The following GTPBP10 variants were observed in gnomAD, a reference collection of about 807,000 sequenced individuals.
GTPBP10 encodes GTP-binding protein 10.
In GTPBP10, 38 loss-of-function variants were observed where a neutral mutation model predicts 44.8. The observed-to-expected ratio is 0.85, with a 90% CI of 0.65 to 1.11. GTPBP10 has a LOEUF of 1.11. Ranked by LOEUF, GTPBP10 falls within the 50% of genes most tolerant of loss-of-function variation. The pLI is 0.00. For missense variants in GTPBP10, 462 were observed against 453.7 expected, an observed-to-expected ratio of 1.02 and a Z score of -0.17; for synonymous variants, 152 against 150.6, an observed-to-expected ratio of 1.01 and a Z score of -0.07.
At chr7:90,356,894 G>A (rs1035626560) in intron 4 of GTPBP10, among the ~76,000 whole-genome samples, 4 of 152,136 alleles carry the variant, frequency 2.6e-5, no homozygotes, top group Admixed American at 1.3e-4. Context: ...TCAGAAGTAG[G>A]TTTGAAATTT....
Position 90,386,819 on chromosome 7 carries a change from A to C in GTPBP10, c.*1665A>C, listed in dbSNP as rs188385472. The C allele has an allele frequency of 4.9e-4, 74 of 152,358 alleles. No individual in the cohort carries two copies. Among genetic ancestry groups the C allele is most frequent in the African/African-American group, 1.6e-3 (66 of 41,586 alleles). The allele number at this position is 152,358 out of a possible 1,614,324, so 9.4% of individuals were successfully genotyped here. A position where few individuals can be genotyped will look rare whatever the true frequency, so the allele number is the denominator to read the frequency against. ...TTAAATGAGTTTTATTATAAAATGT[A>C]CATATTGATTGTAAAAACAAAAAAT... On this transcript the variant is annotated 3_prime_UTR_variant, in exon 10 of 10. Coordinates refer to ENST00000222511, the MANE Select transcript of GTPBP10 (RefSeq NM_033107.4).
chr7:90,385,286 C>T lies in GTPBP10; in HGVS notation c.*132C>T, dbSNP rs1796505102. The T allele has an allele frequency of 9.7e-6, 6 of 620,438 alleles. No individual in the cohort carries two copies. Among genetic ancestry groups the T allele is most frequent in the Admixed American group, 3.3e-5 (1 of 30,232 alleles). 38.4% of individuals were successfully genotyped at this position (620,438 alleles called of 1,614,324 possible). ...TAGAAAGACAAATGCTGCATAATCT[C>T]ACTGTGGAATCTTAAGTTGAACTCA... On this transcript the variant is annotated 3_prime_UTR_variant, in exon 10 of 10. Transcript: ENST00000222511.
intron 4 of GTPBP10, among the ~76,000 whole-genome samples, chr7:90,366,141 T>C (rs11769176): frequency 0.25 from 37,354 of 152,104 alleles, 4,893 homozygotes; most frequent in African/African-American, 0.34. Flanking sequence ...ATAAGCTTTT[T>C]GATGTGCTGC....
intron 4 of GTPBP10, among the ~76,000 whole-genome samples, chr7:90,358,962 C>T (rs1473896011): frequency 6.6e-6 from 1 of 152,050 alleles, no homozygotes; most frequent in East Asian, 1.9e-4. Flanking sequence ...AGAAGATATG[C>T]ATACAAATGG....
intron 8 of GTPBP10, among the ~76,000 whole-genome samples, chr7:90,380,826 T>C (rs1224867720): frequency 6.6e-6 from 1 of 152,170 alleles, no homozygotes; most frequent in Non-Finnish European, 1.5e-5. Context: ...GCAACCACCA[T>C]TTTCTCTGCT....
intron 4 of GTPBP10, among the ~76,000 whole-genome samples, chr7:90,362,498 C>G (rs1464535579): frequency 2.6e-5 from 4 of 152,184 alleles, no homozygotes; most frequent in Non-Finnish European, 5.9e-5. Context: ...GTCTGAGAGA[C>G]AGTTCCTTGT....
chr7:90,363,145 A>T (rs13230525), intron 4 of GTPBP10, among the ~76,000 whole-genome samples: 1 of 152,104 alleles, frequency 6.6e-6, no homozygotes, highest in African/African-American at 2.4e-5. Flanking sequence ...TTTAAGGTTA[A>T]TATTGTTATG....
chr7:90,349,336 A>G (rs1795743644), intron 1 of GTPBP10, among the ~76,000 whole-genome samples: 2 of 152,110 alleles, frequency 1.3e-5, no homozygotes, highest in African/African-American at 4.8e-5. Context: ...CCCGTGATCT[A>G]GAGGCTGATT....
At chr7:90,362,841 G>A (rs1015848118) in intron 4 of GTPBP10, among the ~76,000 whole-genome samples, 2 of 152,144 alleles carry the variant, frequency 1.3e-5, no homozygotes, top group East Asian at 3.8e-4. Flanking sequence ...TATGTATTTA[G>A]GATAGTTAGC....
rs185770433 is a variant in GTPBP10 at position 90,346,740 on chromosome 7, C to T, written c.-2C>T. On this transcript the variant is annotated 5_prime_UTR_variant, in exon 1 of 10. Transcript: ENST00000222511. The stretch of plus-strand genomic sequence containing the variant: ...AAGAAGGTTTCCTGGCCTGTTGCAG[C>T]CATGGTGCATTGCAGTTGCGTGTTG... The T allele has an allele frequency of 8.7e-6, 14 of 1,614,214 alleles. No individual in the cohort carries two copies. In the East Asian group the frequency reaches 8.9e-5, roughly 10 times the overall value.
chr7:90,374,206 A>T (rs1045556922), intron 5 of GTPBP10, 96 bp from the exon 6 acceptor site: 3 of 838,552 alleles, frequency 3.6e-6, no homozygotes, highest in African/African-American at 3.5e-5. Context: ...CAAAATCTGA[A>T]TTGAAATATT....
At chr7:90,362,375 T>G (rs1796040983) in intron 4 of GTPBP10, among the ~76,000 whole-genome samples, 1 of 152,202 alleles carries the variant, frequency 6.6e-6, no homozygotes, top group African/African-American at 2.4e-5. Context: ...TATTTCTGCC[T>G]TCATTTCGTT....
At chr7:90,381,064 G>A (rs956623295) in intron 8 of GTPBP10, among the ~76,000 whole-genome samples, 5 of 151,964 alleles carry the variant, frequency 3.3e-5, no homozygotes, top group Non-Finnish European at 7.4e-5. Context: ...TCCATGTCTC[G>A]GCTATTGTGA....
chr7:90,384,841 C>T (rs768603331), intron 9 of GTPBP10, 51 bp from the exon 10 acceptor site: 1 of 1,530,438 alleles, frequency 6.5e-7, no homozygotes, highest in Non-Finnish European at 8.8e-7. Context: ...ATGGTTTTAA[C>T]TAACTTTCGA....
intron 2 of GTPBP10, among the ~76,000 whole-genome samples, chr7:90,353,942 T>C (rs1795843958): frequency 1.3e-5 from 2 of 151,860 alleles, no homozygotes; most frequent in South Asian, 4.2e-4. Context: ...TCCTCCCACC[T>C]CTGCCTCCCA....
intron 4 of GTPBP10, among the ~76,000 whole-genome samples, chr7:90,357,821 A>C (rs893819216): frequency 6.6e-6 from 1 of 152,150 alleles, no homozygotes; most frequent in Non-Finnish European, 1.5e-5. Flanking sequence ...TCTTGAGGGA[A>C]ATTTAGCAGT....
chr7:90,367,193 T>G lies in GTPBP10; in HGVS notation c.465-4962T>G, dbSNP rs1796151311. 3.9e-5 allele frequency among the ~76,000 whole-genome samples: 6 copies of G among 152,088 alleles called. 1 individual carries two copies. In the South Asian group the frequency reaches 1.2e-3, roughly 32 times the overall value. On this transcript the variant is annotated intron_variant, in intron 4 of 9. Transcript: ENST00000222511. ...CTGTTCTTTTGCATTTGCTGAGGAG[T>G]GTTTTACTTCTCATTATATGGTCAA...
At chr7:90,369,633 G>A (rs553991836) in intron 4 of GTPBP10, among the ~76,000 whole-genome samples, 21 of 152,198 alleles carry the variant, frequency 1.4e-4, no homozygotes, top group Non-Finnish European at 3.1e-4. Context: ...GCCAGGCACG[G>A]GAGGATATTT....
intron 1 of GTPBP10, among the ~76,000 whole-genome samples, chr7:90,348,827 AAAG>A (rs1259037392): frequency 6.6e-6 from 1 of 152,200 alleles, no homozygotes; most frequent in East Asian, 1.9e-4. Context: ...CCATGTCATA[AAAG>A]AAGTCAAAAG....
Sources: gnomAD v4.1 joint callset for allele counts (sites outside exome capture counted in the v4.1 genomes callset) on GRCh38, gnomAD v4.1.1 for gene constraint, MANE v1.5 for transcripts, NCBI Gene and HGNC (gene_info 2026-07-23, HGNC 2026-07-21) for gene names.